FMR1NB: variants seen among roughly 807,000 people sequenced by gnomAD.
FMR1NB encodes the protein FMR1 neighbor.
A neutral mutation model predicts 16.8 loss-of-function variants in FMR1NB; 10 were observed. The observed-to-expected ratio is 0.60, with a 90% confidence interval of 0.37 to 1.01. FMR1NB has a LOEUF of 1.01. Ranked by LOEUF, FMR1NB falls within the 50% of genes least tolerant of loss-of-function variation. The pLI is 0.01. For synonymous variants in FMR1NB, 83 were observed against 79.1 expected, an observed-to-expected ratio of 1.05 and a Z score of -0.26; for missense variants, 205 against 204.8, an observed-to-expected ratio of 1.00 and a Z score of 0.00.
intron 4 of FMR1NB, among the ~76,000 whole-genome samples, chrX:148,021,896 CTTT>C (rs782136639): frequency 4.0e-5 from 4 of 98,997 alleles, no homozygotes; most frequent in East Asian, 3.1e-4. Context: ...ACATCATCTG[CTTT>C]TTTTTTTTTT....
Position 148,026,482 on chromosome X carries a change from A to G in FMR1NB, c.*14-20A>G, listed in dbSNP as rs2044704267. The G allele has an allele frequency of 9.0e-6, 1 of 111,479 alleles. No homozygotes were observed. Among genetic ancestry groups the G allele is most frequent in the South Asian group, 3.7e-4 (1 of 2,676 alleles). 9.2% of individuals were successfully genotyped at this position (111,479 alleles called of 1,213,427 possible). On this transcript the variant is annotated intron_variant, in intron 5 of 5. Transcript: ENST00000370467. ...CAGCCTTTTCAAGTTGTTTAACCCT[A>G]CTTTACTTTTCTCCCATAGCATTAT...
intron 5 of FMR1NB, 124 bp from the exon 6 acceptor site, chrX:148,026,378 A>T (rs1557191002): frequency 8.9e-6 from 1 of 111,946 alleles, no homozygotes; most frequent in Non-Finnish European, 1.9e-5. Flanking sequence ...TACATAAGTT[A>T]ATCATAACAT....
intron 3 of FMR1NB, 125 bp from the exon 4 acceptor site, chrX:148,008,493 C>A: frequency 1.8e-6 from 1 of 556,774 alleles, no homozygotes; most frequent in Admixed American, 3.9e-5. Flanking sequence ...TTACCTGTCA[C>A]ATAAGAATAC....
At chrX:148,017,993 T>C (rs1557190283) in intron 4 of FMR1NB, among the ~76,000 whole-genome samples, 1 of 106,317 alleles carries the variant, frequency 9.4e-6, no homozygotes, top group East Asian at 3.0e-4. Context: ...AGTGCCGCAA[T>C]AAACATACGT....
At chrX:147,989,456 C>A (rs1193737134) in intron 1 of FMR1NB, among the ~76,000 whole-genome samples, 1 of 112,104 alleles carries the variant, frequency 8.9e-6, no homozygotes, top group Non-Finnish European at 1.9e-5. Context: ...TGGGAGGTCT[C>A]TCCCAGTCAG....
intron 4 of FMR1NB, among the ~76,000 whole-genome samples, chrX:148,016,785 T>C (rs2044651935): frequency 9.0e-6 from 1 of 111,487 alleles, no homozygotes; most frequent in Admixed American, 9.6e-5. Context: ...TTAAACTTTT[T>C]ATTGTTTCTG....
chrX:147,993,218 C>T (rs943660202), intron 1 of FMR1NB, among the ~76,000 whole-genome samples: 4 of 113,109 alleles, frequency 3.5e-5, no homozygotes, highest in Non-Finnish European at 5.6e-5. Flanking sequence ...GGCTGGAGAC[C>T]GGCCCGGCCA....
At chrX:147,982,362 C>T (rs1346650049) in intron 1 of FMR1NB, among the ~76,000 whole-genome samples, 134 of 106,880 alleles carry the variant, frequency 1.3e-3, no homozygotes, top group African/African-American at 4.4e-3. Context: ...CCGAGGCGGG[C>T]GGATTGCCTG....
At chrX:148,005,379 A>G (rs1557189010) in intron 2 of FMR1NB, among the ~76,000 whole-genome samples, 2 of 111,279 alleles carry the variant, frequency 1.8e-5, no homozygotes, top group African/African-American at 6.5e-5. Context: ...AAGGAAATCC[A>G]TCCCATCTCT....
At chrX:147,999,267 T>C (rs1409004469) in intron 1 of FMR1NB, among the ~76,000 whole-genome samples, 2 of 111,897 alleles carry the variant, frequency 1.8e-5, no homozygotes, top group African/African-American at 6.5e-5. Flanking sequence ...AGTGTGCTAC[T>C]GTCAGCCAAC....
intron 1 of FMR1NB, among the ~76,000 whole-genome samples, chrX:147,992,796 C>T (rs1318200075): frequency 1.4e-5 from 1 of 70,184 alleles, no homozygotes; most frequent in East Asian, 4.3e-4. Flanking sequence ...GGGGCAGAGG[C>T]GCTCCCCACA....
intron 1 of FMR1NB, among the ~76,000 whole-genome samples, chrX:147,992,978 G>T (rs1193423445): frequency 9.5e-6 from 1 of 105,511 alleles, no homozygotes; most frequent in Non-Finnish European, 1.9e-5. Context: ...GACAATGGGC[G>T]GCCAGGCAGA....
chrX:147,997,300 G>C (rs1239605411), intron 1 of FMR1NB, among the ~76,000 whole-genome samples: 1 of 111,675 alleles, frequency 9.0e-6, no homozygotes, highest in African/African-American at 3.3e-5. Flanking sequence ...CAGAAATAAT[G>C]CCACACATCT....
intron 4 of FMR1NB, among the ~76,000 whole-genome samples, chrX:148,023,934 G>C (rs1166529397): frequency 9.0e-6 from 1 of 111,181 alleles, no homozygotes; most frequent in Non-Finnish European, 1.9e-5. Flanking sequence ...TGAGTAGTTT[G>C]GTGACCTCGG....
intron 4 of FMR1NB, among the ~76,000 whole-genome samples, chrX:148,010,386 G>A (rs1557189517): frequency 9.0e-6 from 1 of 111,724 alleles, no homozygotes; most frequent in East Asian, 2.8e-4. Flanking sequence ...GAGTGGATGG[G>A]CACTTTCAGC....
chrX:147,993,243 C>T (rs1042365749), intron 1 of FMR1NB, among the ~76,000 whole-genome samples: 1 of 112,852 alleles, frequency 8.9e-6, no homozygotes, highest in African/African-American at 3.2e-5. Context: ...AGCGAAACCC[C>T]GTCTCCACCA....
chrX:147,987,948 A>G (rs139985289), intron 1 of FMR1NB, among the ~76,000 whole-genome samples: 76 of 111,115 alleles, frequency 6.8e-4, no homozygotes, highest in Non-Finnish European at 1.1e-3. Context: ...CAGGACACCA[A>G]TGGGTCTTGG....
At position 148,024,936 on chromosome X, in the gene FMR1NB, G is replaced by A. The variant is rs868988926; in HGVS notation, c.704G>A (p.Arg235Gln). The A allele has an allele frequency of 1.7e-6, 2 of 1,211,113 alleles. No homozygotes were observed. The highest frequency in any genetic ancestry group is 1.1e-6 in the Non-Finnish European group (1 of 895,015). The part of the protein sequence containing the change: ...VTGLKKQRRK[R>Q]KRKSEMLQKA... ...GGTTTGAAGAAACAAAGAAGGAAGC[G>A]AAAGAGGAAGTCTGAAATGTTACAG... Residue 235 changes from arginine (R) to glutamine (Q), a missense_variant, in exon 5 of 6, where the codon CGA (arginine) becomes CAA (glutamine). By Grantham distance (43) the Arg-to-Gln change is conservative. Coordinates refer to ENST00000370467, the MANE Select transcript of FMR1NB (RefSeq NM_152578.3).
At chrX:148,018,810 C>T (rs782810780) in intron 4 of FMR1NB, among the ~76,000 whole-genome samples, 3 of 111,677 alleles carry the variant, frequency 2.7e-5, no homozygotes, top group Admixed American at 9.5e-5. Flanking sequence ...CAACAAAAGA[C>T]AAAATTGACA....
Sources: allele counts gnomAD v4.1 joint callset (sites outside exome capture counted in the v4.1 genomes callset), GRCh38; gene constraint gnomAD v4.1.1; transcripts MANE v1.5; gene names NCBI Gene and HGNC (gene_info 2026-07-23, HGNC 2026-07-21).